LDB2: variants seen among roughly 807,000 people sequenced by gnomAD.
LDB2 encodes LIM domain-binding protein 2.
Under a neutral mutation model 44.3 loss-of-function variants are expected in LDB2, and 12 were observed. The observed-to-expected ratio is 0.27, with a 90% CI of 0.17 to 0.44. The LOEUF (loss-of-function observed/expected upper bound fraction) is 0.44, where lower values mean the gene tolerates loss of function less well. LDB2 is among the 20% of genes least tolerant of loss of function. LDB2 has a pLI of 1.00. For synonymous variants in LDB2, 164 were observed against 174.8 expected (o/e 0.94, Z 0.49); for missense variants, 344 against 473.5 (o/e 0.73, Z 2.54).
At chr4:16,824,582 G>T (rs1048679454) in intron 1 of LDB2, among the ~76,000 whole-genome samples, 3 of 152,160 alleles carry the variant, frequency 2.0e-5, no homozygotes, top group Non-Finnish European at 2.9e-5. Flanking sequence ...AAGTGTCTTT[G>T]TCCAAGAGGC....
At chr4:16,529,827 C>G (rs1476964210) in intron 5 of LDB2, among the ~76,000 whole-genome samples, 1 of 152,166 alleles carries the variant, frequency 6.6e-6, no homozygotes. Context: ...TTTTTGGTTT[C>G]TGTGTGTGTA....
At chr4:16,888,105 T>C (rs4698519) in intron 1 of LDB2, among the ~76,000 whole-genome samples, 39,155 of 152,130 alleles carry the variant, frequency 0.26, 5,577 homozygotes, top group Non-Finnish European at 0.32. Flanking sequence ...TTCAGGCTTC[T>C]GACCAGTGCT....
At chr4:16,625,042 T>C (rs550550760) in intron 2 of LDB2, among the ~76,000 whole-genome samples, 77 of 152,276 alleles carry the variant, frequency 5.1e-4, no homozygotes, top group Admixed American at 1.3e-3. Context: ...TCGGGACTCC[T>C]TAATGTGACT....
At chr4:16,835,836 T>C (rs1375700891) in intron 1 of LDB2, among the ~76,000 whole-genome samples, 1 of 152,224 alleles carries the variant, frequency 6.6e-6, no homozygotes, top group African/African-American at 2.4e-5. Context: ...AAAGAAACAC[T>C]CATTTTTCCG....
chr4:16,624,484 T>C (rs899603758), intron 2 of LDB2, among the ~76,000 whole-genome samples: 2 of 152,200 alleles, frequency 1.3e-5, no homozygotes, highest in Admixed American at 6.5e-5. Flanking sequence ...TATGTGCTCG[T>C]CATTGGATTA....
At chr4:16,842,493 T>C (rs1442021395) in intron 1 of LDB2, among the ~76,000 whole-genome samples, 2 of 152,214 alleles carry the variant, frequency 1.3e-5, no homozygotes, top group African/African-American at 4.8e-5. Flanking sequence ...TACCTGTGAA[T>C]ACTTCAACAA....
At chr4:16,591,169 A>G (rs1304359483) in intron 3 of LDB2, among the ~76,000 whole-genome samples, 2 of 152,208 alleles carry the variant, frequency 1.3e-5, no homozygotes, top group Non-Finnish European at 2.9e-5. Flanking sequence ...ATTATCTAAT[A>G]TATTTGTTTT....
chr4:16,724,135 G>T (rs1184220678), intron 2 of LDB2, among the ~76,000 whole-genome samples: 2 of 151,932 alleles, frequency 1.3e-5, no homozygotes, highest in South Asian at 2.1e-4. Flanking sequence ...CTTTTTAAGG[G>T]GTTTGTTATG....
At chr4:16,816,313 T>C (rs1301234446) in intron 1 of LDB2, among the ~76,000 whole-genome samples, 1 of 152,188 alleles carries the variant, frequency 6.6e-6, no homozygotes, top group East Asian at 1.9e-4. Flanking sequence ...TATAAACACA[T>C]AGCAATGCAT....
chr4:16,729,840 T>C (rs1015134066), intron 2 of LDB2, among the ~76,000 whole-genome samples: 4 of 152,162 alleles, frequency 2.6e-5, no homozygotes, highest in African/African-American at 7.2e-5. Context: ...CTTGCATTTG[T>C]TTTGATTAGG....
rs149656512 is a variant in LDB2, at chr4:16,565,957, CAT to C, written c.615+19963_615+19964del. The stretch of plus-strand genomic sequence containing the variant: ...ATATATGCATATGACCACACACACA[CAT>C]GTATCTATACATACACACATATACA... On this transcript the variant is annotated intron_variant, in intron 5 of 7. Transcript: ENST00000304523. Among the ~76,000 whole-genome samples, 1,286 of 151,896 alleles carry C rather than the reference CAT, an allele frequency of 8.5e-3. 15 individuals are homozygous for C. Among genetic ancestry groups the C allele is most frequent in the African/African-American group, 0.029 (1,215 of 41,464 alleles).
intron 5 of LDB2, among the ~76,000 whole-genome samples, chr4:16,530,536 A>T (rs775429665): frequency 6.6e-6 from 1 of 152,234 alleles, no homozygotes; most frequent in Non-Finnish European, 1.5e-5. Flanking sequence ...TCATGATCTG[A>T]GGCAGAACCT....
At chr4:16,786,191 A>G (rs928831577) in intron 1 of LDB2, among the ~76,000 whole-genome samples, 2 of 152,226 alleles carry the variant, frequency 1.3e-5, no homozygotes, top group African/African-American at 4.8e-5. Context: ...TCTGTAACTC[A>G]TAAGTCAGCC....
rs1716639263 is a variant in LDB2 at position 16,585,943 on chromosome 4, G to A, written c.594C>T (p.Asn198=). 6.2e-7 allele frequency: 1 copy of A among 1,613,592 alleles called. No individual in the cohort carries two copies. The highest frequency in any genetic ancestry group is 8.5e-7 in the Non-Finnish European group (1 of 1,179,596). The change falls in exon 5 of 8, where the codon AAC becomes AAT. Residue 198 remains asparagine (N), a synonymous_variant. Transcript: ENST00000304523. ...SKNITRMGLT[N]FTLNYLRLCV... ...TTACCCTGAGGTAGTTGAGGGTGAA[G>A]TTTGTTAGCCCCATCCTGGTGATGT...
chr4:16,649,996 T>G (rs988244368), intron 2 of LDB2, among the ~76,000 whole-genome samples: 3 of 152,168 alleles, frequency 2.0e-5, no homozygotes, highest in Non-Finnish European at 2.9e-5. Flanking sequence ...CCAATTCTGC[T>G]CCCAAGGGCG....
chr4:16,845,808 A>G (rs547848385), intron 1 of LDB2, among the ~76,000 whole-genome samples: 2 of 152,278 alleles, frequency 1.3e-5, no homozygotes, highest in African/African-American at 4.8e-5. Context: ...AGTTTGCCCA[A>G]AAGAAATGAG....
chr4:16,789,833 G>A (rs1015925812), intron 1 of LDB2, among the ~76,000 whole-genome samples: 1 of 152,230 alleles, frequency 6.6e-6, no homozygotes, highest in Non-Finnish European at 1.5e-5. Flanking sequence ...TCGAGAGGCT[G>A]AGGCAGGAGA....
chr4:16,833,222 C>A (rs946995597), intron 1 of LDB2, among the ~76,000 whole-genome samples: 5 of 152,074 alleles, frequency 3.3e-5, no homozygotes, highest in African/African-American at 1.2e-4. Flanking sequence ...CACTGAAATT[C>A]ATAAAAGGGA....
At chr4:16,877,391 G>A (rs927061887) in intron 1 of LDB2, among the ~76,000 whole-genome samples, 1 of 152,080 alleles carries the variant, frequency 6.6e-6, no homozygotes, top group Non-Finnish European at 1.5e-5. Context: ...AAAATTCTCT[G>A]ATTATTGCCA....
Sources: gnomAD v4.1 joint callset for allele counts (sites outside exome capture counted in the v4.1 genomes callset) on GRCh38, gnomAD v4.1.1 for gene constraint, MANE v1.5 for transcripts, NCBI Gene and HGNC (gene_info 2026-07-23, HGNC 2026-07-21) for gene names.